Variants in SYTL5 observed in about 807,000 individuals in gnomAD.
SYTL5 encodes synaptotagmin-like protein 5.
Under a neutral mutation model 55.9 loss-of-function variants are expected in SYTL5, and 34 were observed. That is an observed-to-expected ratio of 0.61 (90% CI 0.46 to 0.81). The LOEUF is 0.81. Among genes scored for constraint, SYTL5 ranks in the 30% least tolerant of loss-of-function variants. SYTL5 has a pLI of 0.00. For synonymous variants in SYTL5, 221 were observed against 188.7 expected (o/e 1.17, Z -1.40); for missense variants, 637 against 546.7 (o/e 1.17, Z -1.65).
At chrX:37,945,518 A>G in the SYTL5 span, among the ~76,000 whole-genome samples, 1 of 111,513 alleles carries the variant, frequency 9.0e-6, no homozygotes, top group Admixed American at 9.6e-5. Flanking sequence ...GTGTTGGTTG[A>G]TGATAAGGGT....
chrX:37,893,826 G>A, the SYTL5 span, among the ~76,000 whole-genome samples: 1 of 99,622 alleles, frequency 1.0e-5, no homozygotes, highest in South Asian at 4.3e-4. Flanking sequence ...ATAGAGATTA[G>A]TATATATAAT....
intron 1 of SYTL5, among the ~76,000 whole-genome samples, chrX:38,030,611 C>G (rs888807127): frequency 8.9e-6 from 1 of 111,989 alleles, no homozygotes; most frequent in Non-Finnish European, 1.9e-5. Flanking sequence ...GAAGGGAAGC[C>G]GGAAGTTGTT....
At chrX:38,079,750 C>G (rs1403833300) in intron 6 of SYTL5, among the ~76,000 whole-genome samples, 1 of 111,936 alleles carries the variant, frequency 8.9e-6, no homozygotes, top group African/African-American at 3.2e-5. Context: ...TCTGAGGACT[C>G]AGCCTGATCC....
At chrX:37,911,580 C>T in the SYTL5 span, among the ~76,000 whole-genome samples, 5 of 111,209 alleles carry the variant, frequency 4.5e-5, no homozygotes, top group Non-Finnish European at 9.4e-5. Context: ...GCAAATTTCC[C>T]CCCTAAAACA....
In SYTL5 at chrX:38,094,329, C is replaced by T. The variant is rs779704553; in HGVS notation, c.866C>T (p.Ala289Val). 11 of 1,203,551 alleles carry T rather than the reference C, an allele frequency of 9.1e-6. No individual in the cohort carries two copies. In the South Asian group the frequency reaches 2.0e-4, roughly 22 times the overall value. ...YGFENSMDLAAIEGTSQELTK... is the reference protein window; with the variant it reads ...YGFENSMDLAVIEGTSQELTK... ...TTTGAAAATTCCATGGATTTGGCTG[C>T]TATTGAAGGTACCTCTCAGGAGCTC... Residue 289 changes from alanine (A) to valine (V), a missense_variant, in exon 8 of 17, where the codon GCT becomes GTT. Ala to Val is a moderately conservative substitution (Grantham distance 64). Transcript: ENST00000297875.
intron 1 of SYTL5, among the ~76,000 whole-genome samples, chrX:38,014,201 G>A (rs1349693543): frequency 8.9e-6 from 1 of 112,258 alleles, no homozygotes; most frequent in Non-Finnish European, 1.9e-5. Flanking sequence ...ACACCTGTGT[G>A]TTATGTTGTA....
At chrX:38,054,446 A>C in intron 3 of SYTL5, 24 bp downstream of exon 3, 1 of 1,179,168 alleles carries the variant, frequency 8.5e-7, no homozygotes, top group Non-Finnish European at 1.2e-6. Flanking sequence ...TTTTTCATGG[A>C]AAGTGGAGAT....
the SYTL5 span, among the ~76,000 whole-genome samples, chrX:37,889,261 G>C: frequency 1.5e-4 from 17 of 112,103 alleles, no homozygotes; most frequent in Admixed American, 2.8e-4. Context: ...GATATCATTA[G>C]GCTCTATGAG....
intron 5 of SYTL5, among the ~76,000 whole-genome samples, chrX:38,075,392 A>G (rs1324935413): frequency 8.9e-6 from 1 of 112,023 alleles, no homozygotes; most frequent in African/African-American, 3.2e-5. Flanking sequence ...TGTTCACCAC[A>G]AGAGATATCC....
the SYTL5 span, among the ~76,000 whole-genome samples, chrX:37,971,449 G>A: frequency 1.1e-4 from 12 of 110,357 alleles, no homozygotes; most frequent in Non-Finnish European, 2.3e-4. Context: ...ACACACACAC[G>A]CAAAGTTCCC....
chrX:37,891,045 G>C, the SYTL5 span, among the ~76,000 whole-genome samples: 1 of 111,598 alleles, frequency 9.0e-6, no homozygotes, highest in African/African-American at 3.3e-5. Context: ...AGATAATAAT[G>C]AATGTTGATG....
At chrX:38,024,417 G>C (rs770556599) in intron 1 of SYTL5, among the ~76,000 whole-genome samples, 8 of 110,430 alleles carry the variant, frequency 7.2e-5, no homozygotes, top group African/African-American at 1.3e-4. Flanking sequence ...GTCCATTAAA[G>C]CTCTTTTTTT....
chrX:37,975,234 C>T, the SYTL5 span, among the ~76,000 whole-genome samples: 1 of 111,829 alleles, frequency 8.9e-6, no homozygotes, highest in Non-Finnish European at 1.9e-5. Flanking sequence ...AATATTTCTT[C>T]TCCATCTTCC....
At chrX:38,076,330 C>T (rs757270594) in intron 5 of SYTL5, among the ~76,000 whole-genome samples, 1 of 111,671 alleles carries the variant, frequency 9.0e-6, no homozygotes, top group South Asian at 3.8e-4. Flanking sequence ...CAGTCTTTTG[C>T]TTAGTAGTGA....
chrX:37,899,750 C>T, the SYTL5 span, among the ~76,000 whole-genome samples: 10 of 111,366 alleles, frequency 9.0e-5, no homozygotes, highest in Non-Finnish European at 1.9e-4. Context: ...ACTTGTGAGA[C>T]CTTTTTTTAA....
Position 38,123,509 on chromosome X carries a change from T to A in SYTL5, c.1841+1294T>A, listed in dbSNP as rs761451013. Among the ~76,000 whole-genome samples, 5 of 111,680 alleles carry A rather than the reference T, an allele frequency of 4.5e-5. No homozygotes were observed. In the Admixed American group the frequency reaches 4.8e-4, roughly 11 times the overall value. ...CCATTGGTGAGTGTGTATGCCTGAA[T>A]CCTGGCACATCTTCCCTTCACTCTT... On this transcript the variant is annotated intron_variant, in intron 15 of 16. Coordinates refer to ENST00000297875, the MANE Select transcript of SYTL5 (RefSeq NM_138780.3).
chrX:37,945,156 A>C, the SYTL5 span, among the ~76,000 whole-genome samples: 2 of 112,731 alleles, frequency 1.8e-5, no homozygotes, highest in Non-Finnish European at 3.7e-5. Flanking sequence ...ATAACTGTGA[A>C]TTATATGATT....
chrX:37,919,026 G>C, the SYTL5 span, among the ~76,000 whole-genome samples: 1 of 110,768 alleles, frequency 9.0e-6, no homozygotes, highest in South Asian at 3.9e-4. Context: ...TTTGGAGAAA[G>C]TGTGAGTCAT....
At chrX:38,048,047 G>A (rs901479330) in intron 2 of SYTL5, among the ~76,000 whole-genome samples, 24 of 110,375 alleles carry the variant, frequency 2.2e-4, no homozygotes, top group Non-Finnish European at 3.6e-4. Context: ...TTAGCCAGGC[G>A]TGGTGGTGGG....
Sources: gnomAD v4.1 joint callset for allele counts (sites outside exome capture counted in the v4.1 genomes callset) on GRCh38, gnomAD v4.1.1 for gene constraint, MANE v1.5 for transcripts, NCBI Gene and HGNC (gene_info 2026-07-23, HGNC 2026-07-21) for gene names.